The following RBFOX3 variants were observed in gnomAD, a reference collection of about 807,000 sequenced individuals.
The protein encoded by RBFOX3 is RNA binding protein fox-1 homolog 3.
Under a neutral mutation model 48.7 loss-of-function variants are expected in RBFOX3, and 17 were observed. The observed-to-expected ratio is 0.35, with a 90% CI of 0.24 to 0.52. The LOEUF (loss-of-function observed/expected upper bound fraction) is 0.52, where lower values mean the gene tolerates loss of function less well. Ranked by LOEUF, RBFOX3 falls within the 20% of genes least tolerant of loss-of-function variation. The pLI is 0.94. For synonymous variants in RBFOX3, 212 were observed against 209.5 expected, an observed-to-expected ratio of 1.01 and a Z score of -0.10; for missense variants, 382 against 497.5, an observed-to-expected ratio of 0.77 and a Z score of 2.21.
chr17:79,155,088 G>A (rs993177816), intron 4 of RBFOX3, among the ~76,000 whole-genome samples: 4 of 152,240 alleles, frequency 2.6e-5, no homozygotes, highest in Non-Finnish European at 5.9e-5. Context: ...CGGCACGTGA[G>A]CTCGGCCCAG....
chr17:79,136,924 TAAG>T (rs2040347709), intron 4 of RBFOX3, among the ~76,000 whole-genome samples: 1 of 152,110 alleles, frequency 6.6e-6, no homozygotes, highest in South Asian at 2.1e-4. Context: ...ACACTCGCTC[TAAG>T]AAGGAGGCTC....
At chr17:79,500,289 C>T (rs2082217130) in intron 1 of RBFOX3, among the ~76,000 whole-genome samples, 1 of 132,794 alleles carries the variant, frequency 7.5e-6, no homozygotes, top group Admixed American at 8.1e-5. Flanking sequence ...TGGAGTTTCA[C>T]TCTTGTTGCC....
In RBFOX3 at chr17:79,242,669, G is replaced by C. The variant is rs374940618; in HGVS notation, c.-73-6864C>G. Among the ~76,000 whole-genome samples, 56 of 152,222 alleles carry C rather than the reference G, an allele frequency of 3.7e-4. No individual in the cohort carries two copies. Among genetic ancestry groups the C allele is most frequent in the African/African-American group, 1.3e-3 (52 of 41,534 alleles). Reference sequence around the variant, plus strand: ...CCATTAGGGAGACCGGGGAGTTCTGGCAGGTTCTGGCCATCACAGTAGTCC... The same window carrying C: ...CCATTAGGGAGACCGGGGAGTTCTGCCAGGTTCTGGCCATCACAGTAGTCC... On this transcript the variant is annotated intron_variant, in intron 3 of 14. Coordinates refer to ENST00000693108, the MANE Select transcript of RBFOX3 (RefSeq NM_001350451.2). This position sits in a 1 kb window ranked among gnomAD's most constrained non-coding sequence, Gnocchi z 5.8.
upstream of RBFOX3, among the ~76,000 whole-genome samples, chr17:79,611,130 T>TCTCTCTCTCTCTCTA (rs1491548376): frequency 2.6e-5 from 1 of 37,846 alleles, no homozygotes; most frequent in Non-Finnish European, 4.3e-5. Flanking sequence ...TCCGCCCTCC[T>TCTCTCTCTCTCTCTA]TCTCTCTCTC....
chr17:79,425,138 C>T (rs782714310), intron 2 of RBFOX3, among the ~76,000 whole-genome samples: 14 of 152,186 alleles, frequency 9.2e-5, no homozygotes, highest in Non-Finnish European at 1.0e-4. Context: ...CTAAACCCTC[C>T]AGGAGCATGG....
At position 79,331,813 on chromosome 17, in the gene RBFOX3, G is replaced by A. The variant is rs142418258; in HGVS notation, c.-174-23989C>T. 1.0e-3 allele frequency among the ~76,000 whole-genome samples: 152 copies of A among 152,312 alleles called. 1 individual carries two copies. The highest frequency in any genetic ancestry group is 3.4e-3 in the Middle Eastern group (1 of 294). On this transcript the variant is annotated intron_variant, in intron 2 of 14. Transcript: ENST00000693108. ...CTCTGGTCTTTAGTGACACTACAGG[G>A]GACAGCACAGAATCCCAGTTTTCTT...
At chr17:79,420,959 T>C (rs782608491) in intron 2 of RBFOX3, among the ~76,000 whole-genome samples, 12 of 152,166 alleles carry the variant, frequency 7.9e-5, no homozygotes, top group Non-Finnish European at 1.6e-4. Flanking sequence ...GCCGCCATGA[T>C]GAAGCTGGTG....
At chr17:79,607,363 G>C (rs1325196966) in intron 1 of RBFOX3, among the ~76,000 whole-genome samples, 1 of 152,118 alleles carries the variant, frequency 6.6e-6, no homozygotes, top group Non-Finnish European at 1.5e-5. Flanking sequence ...AATAAACACA[G>C]GGAGACAACC....
In RBFOX3 at chr17:79,090,729, G is replaced by T; in HGVS notation, c.*154C>A. The T allele has an allele frequency of 1.0e-6, 1 of 955,556 alleles. No individual in the cohort carries two copies. Among genetic ancestry groups the T allele is most frequent in the Non-Finnish European group, 1.5e-6 (1 of 651,212 alleles). The allele number at this position is 955,556 out of a possible 1,614,324, so 59.2% of individuals were successfully genotyped here. Reference sequence around the variant, plus strand: ...CTCGGTGCGGGCGTGTGGCCAGGACGCGGGACTTGGACTTGGTTGGATGCC... The same window carrying T: ...CTCGGTGCGGGCGTGTGGCCAGGACTCGGGACTTGGACTTGGTTGGATGCC... On this transcript the variant is annotated 3_prime_UTR_variant, in exon 15 of 15. Coordinates refer to ENST00000693108, the MANE Select transcript of RBFOX3 (RefSeq NM_001350451.2).
At chr17:79,573,407 C>T (rs2092748271) in intron 1 of RBFOX3, among the ~76,000 whole-genome samples, 2 of 152,220 alleles carry the variant, frequency 1.3e-5, no homozygotes, top group Admixed American at 6.5e-5. Context: ...TGCTTTGAGG[C>T]CTTTCAATCT....
At chr17:79,346,591 C>T (rs891020018) in intron 2 of RBFOX3, among the ~76,000 whole-genome samples, 4 of 152,082 alleles carry the variant, frequency 2.6e-5, no homozygotes, top group Admixed American at 1.3e-4. Context: ...TTTTTGGTGT[C>T]TTAATCTTCT....
intron 1 of RBFOX3, among the ~76,000 whole-genome samples, chr17:79,502,750 G>A (rs1459717227): frequency 6.6e-6 from 1 of 152,146 alleles, no homozygotes; most frequent in Non-Finnish European, 1.5e-5. Flanking sequence ...CTCATGCCGT[G>A]GAAAAGCATG....
At chr17:79,170,396 T>C (rs543639364) in intron 4 of RBFOX3, among the ~76,000 whole-genome samples, 1 of 152,020 alleles carries the variant, frequency 6.6e-6, no homozygotes, top group East Asian at 1.9e-4. Flanking sequence ...CAGCCCAGCC[T>C]GGAGCCTGAG....
At position 79,471,350 on chromosome 17, in the gene RBFOX3, C is replaced by A. The variant is rs991580110; in HGVS notation, c.-175+11104G>T. Among the ~76,000 whole-genome samples the A allele has an allele frequency of 2.6e-5, 4 of 152,120 alleles. No individual in the cohort carries two copies. ...TTTGCAAAGAGCGTGCAGGGCCGGG[C>A]AAAATACTAAATAATTCAAAAATCA... On this transcript the variant is annotated intron_variant, in intron 2 of 14. Transcript: ENST00000693108. The surrounding 1 kb of genome is among the most constrained non-coding windows in gnomAD (Gnocchi z 4.0).
chr17:79,226,206 G>A (rs889291188), intron 4 of RBFOX3, among the ~76,000 whole-genome samples: 6 of 152,190 alleles, frequency 3.9e-5, no homozygotes, highest in Non-Finnish European at 7.3e-5. Context: ...TGGGAGAAGT[G>A]GTCAGATCAT....
At chr17:79,620,490 C>G in the RBFOX3 span, among the ~76,000 whole-genome samples, 2 of 136,588 alleles carry the variant, frequency 1.5e-5, no homozygotes, top group Non-Finnish European at 3.0e-5. Flanking sequence ...CGCACGTGCA[C>G]ACACGCGCAC....
At chr17:79,158,237 C>A (rs1325033987) in intron 4 of RBFOX3, among the ~76,000 whole-genome samples, 1 of 152,232 alleles carries the variant, frequency 6.6e-6, no homozygotes, top group Non-Finnish European at 1.5e-5. Flanking sequence ...AACTCCCAGC[C>A]TTCAGAACTG....
At chr17:79,106,513 G>C (rs1204300727) in intron 6 of RBFOX3, 138 bp downstream of exon 6, 3 of 1,143,744 alleles carry the variant, frequency 2.6e-6, no homozygotes, top group African/African-American at 3.3e-5. Flanking sequence ...GGAATCCTGG[G>C]GCCCCGGAGG....
At chr17:79,305,446 G>C (rs2075968617) in intron 3 of RBFOX3, among the ~76,000 whole-genome samples, 1 of 152,212 alleles carries the variant, frequency 6.6e-6, no homozygotes, top group Admixed American at 6.5e-5. Context: ...AGTGGGGCTT[G>C]CTGTTTGGTT....
Sources: gnomAD v4.1 joint callset for allele counts (sites outside exome capture counted in the v4.1 genomes callset) on GRCh38, gnomAD v4.1.1 for gene constraint, Gnocchi (gnomAD v3.1) non-coding constraint, MANE v1.5 for transcripts, NCBI Gene and HGNC (gene_info 2026-07-23, HGNC 2026-07-21) for gene names.